ATP1B3: variants seen among roughly 807,000 people sequenced by gnomAD.
The protein encoded by ATP1B3 is ATPase Na+/K+ transporting subunit beta 3, also known as sodium/potassium-transporting ATPase subunit beta-3.
ATP1B3 carries 10 observed loss-of-function variants against 30.2 expected under a neutral mutation model. The ratio of observed to expected loss-of-function variants is 0.33; its 90% CI spans 0.20 to 0.56. The LOEUF is 0.56. ATP1B3 is among the 20% of genes least tolerant of loss of function. The pLI, the probability that ATP1B3 is intolerant of heterozygous loss-of-function variation, is 0.90. For missense variants in ATP1B3, 238 were observed against 336.7 expected, an observed-to-expected ratio of 0.71 and a Z score of 2.29; for synonymous variants, 113 against 117.0, an observed-to-expected ratio of 0.97 and a Z score of 0.22.
intron 3 of ATP1B3, among the ~76,000 whole-genome samples, chr3:141,910,345 A>G (rs1934337329): frequency 1.3e-5 from 2 of 152,104 alleles, no homozygotes; most frequent in Admixed American, 6.5e-5. Flanking sequence ...TTTCTTCCAT[A>G]TCTATAAATA....
intron 1 of ATP1B3, chr3:141,877,413 C>A (rs1313823432): frequency 6.6e-6 from 1 of 152,326 alleles, no homozygotes; most frequent in Non-Finnish European, 1.5e-5. Context: ...TGTGACTCGT[C>A]CACGCTGCCA....
chr3:141,910,020 G>C (rs1934332527), intron 3 of ATP1B3, among the ~76,000 whole-genome samples: 4 of 152,078 alleles, frequency 2.6e-5, no homozygotes, highest in African/African-American at 7.2e-5. Context: ...GTCTCTCTCT[G>C]TCACCCAGTG....
intron 1 of ATP1B3, chr3:141,877,459 G>A (rs942175144): frequency 8.5e-5 from 13 of 152,402 alleles, no homozygotes; most frequent in African/African-American, 3.1e-4. Flanking sequence ...TGAGTGTTAA[G>A]TGTGGGTGTG....
In ATP1B3 at chr3:141,921,946, TAA is replaced by T. The variant is rs753750695; in HGVS notation, c.583-29_583-28del. On this transcript the variant is annotated intron_variant, in intron 5 of 6. Coordinates refer to ENST00000286371, the MANE Select transcript of ATP1B3 (RefSeq NM_001679.4). ...GTTTTTACAAATTCTTTTTGTGACCTAAAGAGGATTTCTTTTGTTTTCAACTT... is the reference window on the plus strand; with the variant it reads ...GTTTTTACAAATTCTTTTTGTGACCTAGAGGATTTCTTTTGTTTTCAACTT... 90 of 1,277,218 alleles carry T rather than the reference TAA, an allele frequency of 7.0e-5. No homozygotes were observed. In the South Asian group the frequency reaches 1.2e-3, roughly 17 times the overall value. 79.1% of individuals were successfully genotyped at this position (1,277,218 alleles called of 1,614,324 possible).
At chr3:141,908,034 A>G (rs541349545) in intron 3 of ATP1B3, among the ~76,000 whole-genome samples, 1 of 146,398 alleles carries the variant, frequency 6.8e-6, no homozygotes, top group African/African-American at 2.5e-5. Flanking sequence ...ATAGTTATTG[A>G]GAAGGAAGAA....
At chr3:141,909,084 ACTCT>A (rs1388754019) in intron 3 of ATP1B3, among the ~76,000 whole-genome samples, 1 of 151,720 alleles carries the variant, frequency 6.6e-6, no homozygotes, top group Non-Finnish European at 1.5e-5. Context: ...AAAATCTTCA[ACTCT>A]CTCCTATCTT....
intron 1 of ATP1B3, among the ~76,000 whole-genome samples, chr3:141,894,402 C>T (rs913128804): frequency 1.3e-5 from 2 of 152,022 alleles, no homozygotes; most frequent in Non-Finnish European, 2.9e-5. Flanking sequence ...AAGCAATCTT[C>T]CCATCTCAGC....
chr3:141,925,565 T>G lies in ATP1B3; in HGVS notation c.704T>G (p.Val235Gly), dbSNP rs1304384535. 6.2e-7 allele frequency: 1 copy of G among 1,613,270 alleles called. No individual in the cohort carries two copies. Among genetic ancestry groups the G allele is most frequent in the Non-Finnish European group, 8.5e-7 (1 of 1,179,650 alleles). The change falls in exon 7 of 7, where the codon GTC (valine) becomes GGC (glycine). Residue 235 changes from valine (V) to glycine (G), a missense_variant. Transcript: ENST00000286371. ...GYLQPLVAVQ[V>G]SFAPNNTGKE... is the part of the protein sequence containing the mutation. ...CTACAGCCATTGGTTGCTGTTCAGG[T>G]CAGCTTTGCTCCTAACAACACTGGG...
At chr3:141,913,396 G>A (rs978584929) in intron 3 of ATP1B3, among the ~76,000 whole-genome samples, 1 of 152,130 alleles carries the variant, frequency 6.6e-6, no homozygotes, top group African/African-American at 2.4e-5. Context: ...GCCATGGCTG[G>A]TACTGCCACC....
At chr3:141,911,233 T>G (rs1934353789) in intron 3 of ATP1B3, among the ~76,000 whole-genome samples, 1 of 152,154 alleles carries the variant, frequency 6.6e-6, no homozygotes, top group South Asian at 2.1e-4. Context: ...CTTGTTTTTC[T>G]CTTACTTTGT....
At chr3:141,908,878 A>G (rs2107774950) in intron 3 of ATP1B3, among the ~76,000 whole-genome samples, 1 of 152,298 alleles carries the variant, frequency 6.6e-6, no homozygotes, top group East Asian at 1.9e-4. Context: ...AAACAAATCT[A>G]CAATGGCAGC....
intron 2 of ATP1B3, among the ~76,000 whole-genome samples, chr3:141,906,957 C>T (rs1018824043): frequency 3.3e-5 from 5 of 152,128 alleles, no homozygotes; most frequent in East Asian, 3.9e-4. Flanking sequence ...AGTTTCTAAT[C>T]GGTAATGTCT....
At chr3:141,922,568 G>A (rs781328454) in intron 6 of ATP1B3, among the ~76,000 whole-genome samples, 1 of 151,794 alleles carries the variant, frequency 6.6e-6, no homozygotes, top group Non-Finnish European at 1.5e-5. Context: ...CAGGAGAATC[G>A]CTTGAACCCA....
intron 5 of ATP1B3, among the ~76,000 whole-genome samples, chr3:141,919,492 T>TC (rs976282826): frequency 2.0e-5 from 3 of 152,234 alleles, no homozygotes; most frequent in African/African-American, 7.2e-5. Flanking sequence ...GTCATTTTTT[T>TC]CTCAGTGTTT....
At chr3:141,902,236 G>C (rs759831935) in intron 1 of ATP1B3, 19 of 1,280,932 alleles carry the variant, frequency 1.5e-5, no homozygotes, top group Middle Eastern at 2.1e-4. Context: ...TGGTAATTGG[G>C]GGGGAGGGGT....
At chr3:141,895,195 T>TC (rs1297083346) in intron 1 of ATP1B3, among the ~76,000 whole-genome samples, 1 of 150,634 alleles carries the variant, frequency 6.6e-6, no homozygotes, top group Non-Finnish European at 1.5e-5. Flanking sequence ...TTTCTTTTTT[T>TC]TTTTTTTTTT....
At chr3:141,906,155 G>T (rs1168341175) in intron 2 of ATP1B3, among the ~76,000 whole-genome samples, 1 of 151,724 alleles carries the variant, frequency 6.6e-6, no homozygotes, top group East Asian at 1.9e-4. Context: ...AAGCCTATGT[G>T]CAAGGTTGAA....
At chr3:141,907,486 A>G (rs539142680) in intron 3 of ATP1B3, among the ~76,000 whole-genome samples, 10 of 152,240 alleles carry the variant, frequency 6.6e-5, no homozygotes, top group African/African-American at 2.4e-4. Flanking sequence ...TACCAAAAAT[A>G]TAAAATTAGC....
At chr3:141,907,909 A>G (rs1292637338) in intron 3 of ATP1B3, among the ~76,000 whole-genome samples, 2 of 151,978 alleles carry the variant, frequency 1.3e-5, no homozygotes, top group African/African-American at 4.8e-5. Context: ...AATAGAGCAA[A>G]TCTATATTTT....
Sources: allele counts gnomAD v4.1 joint callset (sites outside exome capture counted in the v4.1 genomes callset), GRCh38; gene constraint gnomAD v4.1.1; transcripts MANE v1.5; gene names NCBI Gene and HGNC (gene_info 2026-07-23, HGNC 2026-07-21).